Variants in MT4 observed in about 807,000 individuals in gnomAD.
MT4 encodes the protein metallothionein-4.
MT4 carries 11 observed loss-of-function variants against 9.5 expected under a neutral mutation model. The observed-to-expected ratio is 1.16, with a 90% CI of 0.73 to 1.92. The LOEUF is 1.92. Among genes scored for constraint, MT4 ranks in the 30% most tolerant of loss-of-function variants. MT4 has a pLI of 0.00. For synonymous variants in MT4, 29 were observed against 24.6 expected (o/e 1.18, Z -0.53); for missense variants, 88 against 78.7 (o/e 1.12, Z -0.45).
rs575021943 is a variant in MT4 at position 56,567,777 on chromosome 16, T to C, written c.58T>C (p.Cys20Arg). The change falls in exon 2 of 3, where the codon TGC becomes CGC. Residue 20 changes from cysteine to arginine, a missense_variant. Coordinates refer to ENST00000219162, the MANE Select transcript of MT4 (RefSeq NM_032935.3). ...SGGICMCGDN[C>R]KCTTCNCKTY... The stretch of plus-strand genomic sequence containing the variant: ...AGGAATCTGCATGTGTGGAGACAAC[T>C]GCAAATGCACAACCTGCAACTGTAA... 18 of 1,613,538 alleles carry C rather than the reference T, an allele frequency of 1.1e-5. No homozygotes were observed. The South Asian group carries it at 1.9e-4, about 17-fold the overall frequency.
chr16:56,566,824 AAAG>A (rs1383515272), intron 1 of MT4, among the ~76,000 whole-genome samples: 81 of 108,152 alleles, frequency 7.5e-4, no homozygotes, highest in African/African-American at 2.7e-3. Flanking sequence ...GAAAGAAAAG[AAAG>A]AAAGAAAGAA....
chr16:56,565,190 G>A, intron 1 of MT4, 31 bp downstream of exon 1: 2 of 1,604,190 alleles, frequency 1.2e-6, no homozygotes, highest in South Asian at 1.1e-5. Context: ...TGGGGTCTGG[G>A]AACCTTGGAC....
At chr16:56,566,805 A>AAGGAAGGAAGGAAGGAAG (rs1959536512) in intron 1 of MT4, among the ~76,000 whole-genome samples, 2 of 47,084 alleles carry the variant, frequency 4.2e-5, no homozygotes, top group African/African-American at 6.1e-5. Flanking sequence ...AAAGAAAGAA[A>AAGGAAGGAAGGAAGGAAG]GAAAGAAAGA....
intron 1 of MT4, among the ~76,000 whole-genome samples, chr16:56,565,789 G>A (rs1218175145): frequency 2.6e-5 from 4 of 152,096 alleles, no homozygotes; most frequent in African/African-American, 7.2e-5. Context: ...CACAAGTCTG[G>A]GTGGTGTGGC....
intron 2 of MT4, 145 bp from the exon 3 acceptor site, chr16:56,568,696 C>A (rs779447822): frequency 1.7e-6 from 1 of 576,268 alleles, no homozygotes; most frequent in Non-Finnish European, 3.0e-6. Flanking sequence ...ATGCCTCAAC[C>A]TCCTATCTCA....
rs3891209 is a variant in MT4 at position 56,568,263 on chromosome 16, G to A, written c.97+447G>A. The stretch of plus-strand genomic sequence containing the variant: ...AGAAAGAAAGAAAGAAAGAAAGAGA[G>A]AGAGAGAGAGAAAGAAAGAAAGAAA... On this transcript the variant is annotated intron_variant, in intron 2 of 2. Coordinates refer to ENST00000219162, the MANE Select transcript of MT4 (RefSeq NM_032935.3). Among the ~76,000 whole-genome samples, 466 of 75,728 alleles carry A rather than the reference G, an allele frequency of 6.2e-3. 2 individuals are homozygous for A. The highest frequency in any genetic ancestry group is 0.014 in the East Asian group (32 of 2,268). The allele number at this position is 75,728 out of a possible 152,430, so 49.7% of individuals were successfully genotyped here.
intron 1 of MT4, among the ~76,000 whole-genome samples, chr16:56,566,745 A>G (rs13336446): frequency 0.48 from 21,044 of 43,520 alleles, 3,008 homozygotes; most frequent in Middle Eastern, 0.56. Context: ...AAAGAAAGAA[A>G]GAAGGAAGGA....
In MT4 at chr16:56,568,952, C is replaced by T. The variant is rs745766785; in HGVS notation, c.*20C>T. The T allele has an allele frequency of 3.8e-6, 6 of 1,574,876 alleles. No homozygotes were observed. Among genetic ancestry groups the T allele is most frequent in the Middle Eastern group, 1.7e-4 (1 of 5,868 alleles). On this transcript the variant is annotated 3_prime_UTR_variant, in exon 3 of 3. Coordinates refer to ENST00000219162, the MANE Select transcript of MT4 (RefSeq NM_032935.3). ...CCATGAAAGCCATCCATCGTGCCCACCCCTTCCAAGGAGAGAAACCTGGGA... is the reference window on the plus strand; with the variant it reads ...CCATGAAAGCCATCCATCGTGCCCATCCCTTCCAAGGAGAGAAACCTGGGA...
intron 1 of MT4, 117 bp downstream of exon 1, chr16:56,565,276 C>T (rs371336635): frequency 5.0e-5 from 58 of 1,155,328 alleles, no homozygotes; most frequent in African/African-American, 9.6e-5. Flanking sequence ...CAATGGGGTT[C>T]GTCCTGGGAG....
intron 1 of MT4, among the ~76,000 whole-genome samples, chr16:56,567,425 G>C (rs757692233): frequency 9.9e-5 from 15 of 152,184 alleles, no homozygotes; most frequent in Non-Finnish European, 1.9e-4. Flanking sequence ...TATTTGGGTT[G>C]CTTTTCAAAA....
intron 1 of MT4, 42 bp downstream of exon 1, chr16:56,565,201 C>T (rs1186564432): frequency 6.3e-7 from 1 of 1,596,348 alleles, no homozygotes; most frequent in East Asian, 2.3e-5. Flanking sequence ...AACCTTGGAC[C>T]AGCTTCCTAC....
Position 56,568,914 on chromosome 16 carries a change from G to A in MT4, c.171G>A (p.Lys57=). The change falls in exon 3 of 3, where the codon AAG becomes AAA. Residue 57 remains lysine, a synonymous_variant. Coordinates refer to ENST00000219162, the MANE Select transcript of MT4 (RefSeq NM_032935.3). ...RGCICKGGSD[K]CSCCP is the part of the protein sequence containing the mutation. ...GCATCTGCAAAGGAGGCTCAGACAAGTGCAGCTGCTGCCCATGAAAGCCAT... is the reference window on the plus strand; with the variant it reads ...GCATCTGCAAAGGAGGCTCAGACAAATGCAGCTGCTGCCCATGAAAGCCAT... 1 of 1,605,354 alleles carries A rather than the reference G, an allele frequency of 6.2e-7. No homozygotes were observed. The highest frequency in any genetic ancestry group is 8.5e-7 in the Non-Finnish European group (1 of 1,175,332).
chr16:56,565,153 A>G lies in MT4; in HGVS notation c.25A>G (p.Met9Val). The change falls in exon 1 of 3, where the codon ATG (methionine) becomes GTG (valine). Residue 9 changes from methionine to valine, a missense_variant. Transcript: ENST00000219162. MDPRECVC[M>V]SGGICMCGDN... is the part of the protein sequence containing the mutation. The stretch of plus-strand genomic sequence containing the variant: ...CATGGACCCCAGGGAATGTGTCTGC[A>G]TGTCTGGTGAGTAAAGAAGCCCTCC... 1.2e-6 allele frequency: 2 copies of G among 1,612,766 alleles called. No homozygotes were observed. Among genetic ancestry groups the G allele is most frequent in the Non-Finnish European group, 1.7e-6 (2 of 1,179,424 alleles).
intron 2 of MT4, 148 bp downstream of exon 2, chr16:56,567,964 C>T (rs372389342): frequency 2.4e-5 from 13 of 550,522 alleles, no homozygotes; most frequent in African/African-American, 1.9e-4. Context: ...ACCAGCCTGG[C>T]CAACATGGTG....
Position 56,567,761 on chromosome 16 carries a change from C to A in MT4, c.42C>A (p.Cys14Ter), listed in dbSNP as rs1473247055. Reference sequence around the variant, plus strand: ...TGTCCTGTCTTCTAGGAGGAATCTGCATGTGTGGAGACAACTGCAAATGCA... The same window carrying A: ...TGTCCTGTCTTCTAGGAGGAATCTGAATGTGTGGAGACAACTGCAAATGCA... ...RECVCMSGGI[C>*]MCGDNCKCTT... The change falls in exon 2 of 3, where the codon TGC becomes TGA. Residue 14 changes from cysteine to a stop codon, truncating the protein, a stop_gained. Transcript: ENST00000219162. LOFTEE classifies it high-confidence loss of function. The A allele has an allele frequency of 6.2e-7, 1 of 1,613,174 alleles. No individual in the cohort carries two copies. The highest frequency in any genetic ancestry group is 1.7e-5 in the Admixed American group (1 of 59,992).
At chr16:56,568,271 G>GAGAGAGAGAGAGAGAGAAAGAAAGAA (rs1567330643) in intron 2 of MT4, among the ~76,000 whole-genome samples, 2 of 58,570 alleles carry the variant, frequency 3.4e-5, no homozygotes, top group Non-Finnish European at 7.4e-5. Context: ...GAGAGAGAGA[G>GAGAGAGAGAGAGAGAGAAAGAAAGAA]AGAAAGAAAG....
intron 2 of MT4, 37 bp downstream of exon 2, chr16:56,567,853 T>G: frequency 6.3e-7 from 1 of 1,582,610 alleles, no homozygotes; most frequent in Non-Finnish European, 8.7e-7. Context: ...GGGCTGGGAG[T>G]TAGAAAAGTC....
At position 56,565,136 on chromosome 16, in the gene MT4, C is replaced by T. The variant is rs1420735665; in HGVS notation, c.8C>T (p.Pro3Leu). ...CTTTCGGACACCTGGACCATGGACC[C>T]CAGGGAATGTGTCTGCATGTCTGGT... is the stretch of plus-strand genomic sequence containing the variant. MD[P>L]RECVCMSGGI... The change falls in exon 1 of 3, where the codon CCC becomes CTC. Residue 3 changes from proline to leucine, a missense_variant. Transcript: ENST00000219162. 1 of 1,613,014 alleles carries T rather than the reference C, an allele frequency of 6.2e-7. No individual in the cohort carries two copies. Among genetic ancestry groups the T allele is most frequent in the African/African-American group, 1.3e-5 (1 of 74,900 alleles).
At chr16:56,566,642 GAA>G (rs1959521511) in intron 1 of MT4, among the ~76,000 whole-genome samples, 2 of 146,358 alleles carry the variant, frequency 1.4e-5, no homozygotes, top group South Asian at 4.4e-4. Context: ...GAGAGAGAGA[GAA>G]AGAGAAAAGA....
Sources: gnomAD v4.1 joint callset for allele counts (sites outside exome capture counted in the v4.1 genomes callset) on GRCh38, gnomAD v4.1.1 for gene constraint, MANE v1.5 for transcripts, NCBI Gene and HGNC (gene_info 2026-07-23, HGNC 2026-07-21) for gene names.